Variants in NPEPPS observed in about 807,000 individuals in gnomAD.
NPEPPS encodes the protein puromycin-sensitive aminopeptidase.
NPEPPS carries 14 observed loss-of-function variants against 115.5 expected under a neutral mutation model. That is an observed-to-expected ratio of 0.12 (90% CI 0.08 to 0.19). The LOEUF is 0.19. Among genes scored for constraint, NPEPPS ranks in the 10% least tolerant of loss-of-function variants. The pLI is 1.00. For missense variants in NPEPPS, 523 were observed against 1,110.8 expected (o/e 0.47, Z 7.52); for synonymous variants, 285 against 390.6 (o/e 0.73, Z 3.19).
intron 1 of NPEPPS, among the ~76,000 whole-genome samples, chr17:47,538,855 T>C (rs1908540857): frequency 6.6e-6 from 1 of 152,146 alleles, no homozygotes; most frequent in Admixed American, 6.6e-5. Flanking sequence ...TAAAGTTGTT[T>C]TGTTTTCCTT....
At chr17:47,621,105 C>A (rs1366416169) in intron 22 of NPEPPS, among the ~76,000 whole-genome samples, 1 of 148,760 alleles carries the variant, frequency 6.7e-6, no homozygotes, top group African/African-American at 2.5e-5. Context: ...TACTTGAGCC[C>A]AGAAGGTTGA....
chr17:47,602,958 A>C (rs1459956310), intron 15 of NPEPPS, among the ~76,000 whole-genome samples: 1 of 150,460 alleles, frequency 6.6e-6, no homozygotes, highest in Non-Finnish European at 1.5e-5. Flanking sequence ...TAGGTTAAAT[A>C]AAGGGAATCA....
At chr17:47,539,935 A>T (rs999718644) in intron 1 of NPEPPS, among the ~76,000 whole-genome samples, 2 of 152,134 alleles carry the variant, frequency 1.3e-5, no homozygotes, top group Non-Finnish European at 1.5e-5. Context: ...GGCATTTGGA[A>T]TTGTCACACT....
At chr17:47,581,309 T>C (rs1355359859) in intron 4 of NPEPPS, 1 of 152,234 alleles carries the variant, frequency 6.6e-6, no homozygotes, top group Non-Finnish European at 1.5e-5. Context: ...GTGAACCCTA[T>C]TGATTTTTAG....
intron 2 of NPEPPS, among the ~76,000 whole-genome samples, chr17:47,565,244 C>T (rs573763057): frequency 2.0e-4 from 30 of 152,236 alleles, no homozygotes; most frequent in African/African-American, 7.0e-4. Flanking sequence ...GGCGTGGTGG[C>T]TTACACCTGT....
chr17:47,546,146 G>A (rs1288025551), intron 2 of NPEPPS, among the ~76,000 whole-genome samples, 153 bp downstream of exon 2: 1 of 151,634 alleles, frequency 6.6e-6, no homozygotes, highest in Non-Finnish European at 1.5e-5. Flanking sequence ...GGTAAATTCA[G>A]CTGGGTGAAG....
At chr17:47,621,205 A>T (rs929042582) in intron 22 of NPEPPS, among the ~76,000 whole-genome samples, 1 of 150,126 alleles carries the variant, frequency 6.7e-6, no homozygotes. Context: ...AAAAAAGACC[A>T]TGGGGTGTTA....
intron 14 of NPEPPS, among the ~76,000 whole-genome samples, chr17:47,600,943 C>G (rs1031924804): frequency 1.2e-4 from 18 of 152,140 alleles, no homozygotes; most frequent in African/African-American, 4.3e-4. Flanking sequence ...TATATGAAGG[C>G]TGGGCGCAGT....
intron 13 of NPEPPS, among the ~76,000 whole-genome samples, chr17:47,597,358 G>A (rs1304231583): frequency 1.3e-5 from 2 of 152,042 alleles, no homozygotes; most frequent in Non-Finnish European, 2.9e-5. Flanking sequence ...ATCTTAACTC[G>A]GTTTCATTAA....
At chr17:47,569,250 G>GC (rs1911041950) in intron 2 of NPEPPS, among the ~76,000 whole-genome samples, 167 bp from the exon 3 acceptor site, 1 of 152,188 alleles carries the variant, frequency 6.6e-6, no homozygotes, top group South Asian at 2.1e-4. Context: ...AGATAATGTA[G>GC]CCTAGAATAG....
At chr17:47,619,520 C>G in intron 21 of NPEPPS, 1 of 553,198 alleles carries the variant, frequency 1.8e-6, no homozygotes, top group Non-Finnish European at 3.2e-6. Context: ...GGTCATTGCA[C>G]TCCAGCCTGG....
At chr17:47,577,578 A>T (rs1437910738) in intron 3 of NPEPPS, among the ~76,000 whole-genome samples, 2 of 152,194 alleles carry the variant, frequency 1.3e-5, no homozygotes, top group Non-Finnish European at 2.9e-5. Context: ...CATTCTCTTT[A>T]AAGAAAAAAG....
At chr17:47,544,174 G>A (rs1405664018) in intron 1 of NPEPPS, among the ~76,000 whole-genome samples, 6 of 152,038 alleles carry the variant, frequency 3.9e-5, no homozygotes, top group African/African-American at 7.2e-5. Context: ...GATTACAGGC[G>A]TGAGCCACCG....
intron 2 of NPEPPS, among the ~76,000 whole-genome samples, chr17:47,547,831 C>G (rs1190098532): frequency 2.0e-5 from 3 of 152,074 alleles, no homozygotes; most frequent in African/African-American, 7.2e-5. Context: ...TCGAGACCAT[C>G]CTGGCTAACT....
Position 47,557,696 on chromosome 17 carries a change from T to C in NPEPPS, c.340+11703T>C, listed in dbSNP as rs926066877. On this transcript the variant is annotated intron_variant, in intron 2 of 22. Coordinates refer to ENST00000322157, the MANE Select transcript of NPEPPS (RefSeq NM_006310.4). ...GGGGAAATTCTCCAGGCAGTAGTTA[T>C]GGCTGTTGTTGCTTGCTGCTGCTTC... Among the ~76,000 whole-genome samples the C allele has an allele frequency of 4.0e-5, 6 of 149,084 alleles. 1 individual carries two copies. Among genetic ancestry groups the C allele is most frequent in the African/African-American group, 1.2e-4 (5 of 41,250 alleles).
intron 5 of NPEPPS, among the ~76,000 whole-genome samples, chr17:47,583,226 T>G (rs1911994371): frequency 6.6e-6 from 1 of 152,286 alleles, no homozygotes; most frequent in Non-Finnish European, 1.5e-5. Flanking sequence ...ATTTATAAGA[T>G]TATCTACTTC....
At chr17:47,526,443 A>G (rs1041458197), upstream of NPEPPS, among the ~76,000 whole-genome samples, 2 of 152,216 alleles carry the variant, frequency 1.3e-5, no homozygotes, top group African/African-American at 4.8e-5. Flanking sequence ...GCAATGGTAG[A>G]GAAGAGAAGA....
At chr17:47,619,618 A>G in intron 21 of NPEPPS, 119 bp from the exon 22 acceptor site, 1 of 818,464 alleles carries the variant, frequency 1.2e-6, no homozygotes, top group Non-Finnish European at 2.1e-6. Context: ...ATCTCCCATC[A>G]CACATCCTTT....
At chr17:47,589,914 A>T (rs557015252) in intron 9 of NPEPPS, among the ~76,000 whole-genome samples, 1 of 152,010 alleles carries the variant, frequency 6.6e-6, no homozygotes, top group East Asian at 1.9e-4. Context: ...ATCCTTTACT[A>T]TACTAAATTC....
Sources: allele counts gnomAD v4.1 joint callset (sites outside exome capture counted in the v4.1 genomes callset), GRCh38; gene constraint gnomAD v4.1.1; transcripts MANE v1.5; gene names NCBI Gene and HGNC (gene_info 2026-07-23, HGNC 2026-07-21).